The following APP variants were observed in gnomAD, a reference collection of about 807,000 sequenced individuals.
APP encodes amyloid beta precursor protein.
APP carries 31 observed loss-of-function variants against 101.4 expected under a neutral mutation model. That is an observed-to-expected ratio of 0.31 (90% CI 0.23 to 0.41). The LOEUF (loss-of-function observed/expected upper bound fraction) is 0.41. Ranked by LOEUF, APP falls within the 10% of genes least tolerant of loss-of-function variation. The probability of loss-of-function intolerance (pLI) is 1.00; values close to 1 mark genes in which losing one functional copy is unlikely to be tolerated. For missense variants in APP, 839 were observed against 1,003.7 expected, an observed-to-expected ratio of 0.84 and a Z score of 2.22; for synonymous variants, 366 against 364.4, an observed-to-expected ratio of 1.00 and a Z score of -0.05.
chr21:25,913,706 A>C (rs745585037), intron 13 of APP, among the ~76,000 whole-genome samples: 2 of 152,202 alleles, frequency 1.3e-5, no homozygotes, highest in Non-Finnish European at 2.9e-5. Context: ...ATCACTTACC[A>C]TGTCCTTTAT....
intron 13 of APP, among the ~76,000 whole-genome samples, chr21:25,950,911 A>C (rs535081772): frequency 1.3e-5 from 2 of 152,220 alleles, no homozygotes; most frequent in Non-Finnish European, 2.9e-5. Context: ...AGGCCAACCA[A>C]GAGAACTCAG....
At chr21:26,085,955 C>T (rs1173084545) in intron 3 of APP, among the ~76,000 whole-genome samples, 12 of 152,316 alleles carry the variant, frequency 7.9e-5, no homozygotes, top group African/African-American at 7.2e-5. Flanking sequence ...AATTCTTTCA[C>T]TTGTAATTCC....
chr21:26,169,865 C>A (rs2063703438), intron 1 of APP, among the ~76,000 whole-genome samples: 1 of 152,216 alleles, frequency 6.6e-6, no homozygotes, highest in Admixed American at 6.5e-5. Context: ...CGACCCCTCC[C>A]ATTTCTCGCA....
intron 11 of APP, among the ~76,000 whole-genome samples, chr21:25,969,663 G>A (rs1243242956): frequency 2.0e-5 from 3 of 151,530 alleles, no homozygotes; most frequent in Non-Finnish European, 1.5e-5. Context: ...AACACAGCGA[G>A]ACCCTGTCTT....
chr21:26,156,688 T>A (rs2146361562), intron 1 of APP, among the ~76,000 whole-genome samples: 1 of 152,324 alleles, frequency 6.6e-6, no homozygotes, highest in South Asian at 2.1e-4. Context: ...AGAACAGAAT[T>A]CAGAAATATA....
At chr21:26,061,738 G>A (rs1392085242) in intron 3 of APP, among the ~76,000 whole-genome samples, 1 of 152,170 alleles carries the variant, frequency 6.6e-6, no homozygotes, top group Non-Finnish European at 1.5e-5. Context: ...ACTGACAGAT[G>A]GGATTCTTCA....
chr21:25,930,074 C>T (rs2040075625), intron 13 of APP, among the ~76,000 whole-genome samples: 1 of 152,156 alleles, frequency 6.6e-6, no homozygotes, highest in South Asian at 2.1e-4. Context: ...TCAGCTCCAA[C>T]CTGAACCTTC....
At chr21:25,998,631 G>T (rs1211235586) in intron 7 of APP, among the ~76,000 whole-genome samples, 1 of 152,038 alleles carries the variant, frequency 6.6e-6, no homozygotes, top group African/African-American at 2.4e-5. Context: ...GGAATCTCAG[G>T]CAGGAAATGT....
chr21:25,908,375 AAAC>A (rs565909972), intron 14 of APP, among the ~76,000 whole-genome samples: 130 of 152,370 alleles, frequency 8.5e-4, no homozygotes, highest in Non-Finnish European at 1.5e-3. Flanking sequence ...TTCTTAAGAA[AAAC>A]AACAAATTTT....
At position 25,880,876 on chromosome 21, in the gene APP, A is replaced by G. The variant is rs200985813; in HGVS notation, c.*794T>C. On this transcript the variant is annotated 3_prime_UTR_variant, in exon 18 of 18. Coordinates refer to ENST00000346798, the MANE Select transcript of APP (RefSeq NM_000484.4). ...ATGTCATAAGCAATGATTCTGTACAATCATCCTGCAGAAAATTGTTTTGGA... is the reference window on the plus strand; with the variant it reads ...ATGTCATAAGCAATGATTCTGTACAGTCATCCTGCAGAAAATTGTTTTGGA... 4 of 152,926 alleles carry G rather than the reference A, an allele frequency of 2.6e-5. No individual in the cohort carries two copies. Among genetic ancestry groups the G allele is most frequent in the Admixed American group, 6.5e-5 (1 of 15,302 alleles). 9.5% of individuals were successfully genotyped at this position (152,926 alleles called of 1,614,324 possible). A position where few individuals can be genotyped will look rare whatever the true frequency, so the allele number is the denominator to read the frequency against.
At chr21:26,127,368 G>A (rs919671624) in intron 1 of APP, among the ~76,000 whole-genome samples, 3 of 151,988 alleles carry the variant, frequency 2.0e-5, no homozygotes, top group African/African-American at 4.8e-5. Context: ...TTAGACAAAC[G>A]GAGAAAAGGC....
At chr21:25,972,009 T>C (rs1042923733) in intron 11 of APP, among the ~76,000 whole-genome samples, 4 of 152,234 alleles carry the variant, frequency 2.6e-5, no homozygotes, top group African/African-American at 9.6e-5. Context: ...TTATGAGGCA[T>C]AAAATGATAC....
intron 2 of APP, among the ~76,000 whole-genome samples, chr21:26,091,105 T>A (rs2061813413): frequency 6.6e-6 from 1 of 152,242 alleles, no homozygotes; most frequent in Non-Finnish European, 1.5e-5. Context: ...TTCCCTTGCA[T>A]AAACCTTGCA....
At chr21:25,900,608 C>T (rs2038393581) in intron 15 of APP, among the ~76,000 whole-genome samples, 1 of 151,816 alleles carries the variant, frequency 6.6e-6, no homozygotes, top group Non-Finnish European at 1.5e-5. Context: ...TAGGTTAGAA[C>T]TATATTTCTG....
chr21:25,956,415 T>C (rs1424843630), intron 11 of APP, among the ~76,000 whole-genome samples: 1 of 152,228 alleles, frequency 6.6e-6, no homozygotes, highest in Non-Finnish European at 1.5e-5. Flanking sequence ...TTCTAATTGG[T>C]TCCATTTCAT....
At position 26,010,682 on chromosome 21, in the gene APP, G is replaced by A. The variant is rs147190230; in HGVS notation, c.866-10500C>T. On this transcript the variant is annotated intron_variant, in intron 6 of 17. Transcript: ENST00000346798. ...AAAAAAAAAAATATATTAGCCGGGC[G>A]CAGTGGCAGGTGCCTGTAATCCCAG... Among the ~76,000 whole-genome samples, 795 of 151,526 alleles carry A rather than the reference G, an allele frequency of 5.2e-3. 11 individuals carry two copies. Among genetic ancestry groups the A allele is most frequent in the African/African-American group, 0.018 (738 of 41,370 alleles).
chr21:26,081,303 C>T (rs1400328189), intron 3 of APP, among the ~76,000 whole-genome samples: 2 of 140,400 alleles, frequency 1.4e-5, no homozygotes, highest in South Asian at 4.6e-4. Context: ...AGGCTGAGTC[C>T]GAAAAAGAGT....
At chr21:26,077,054 C>A (rs372305224) in intron 3 of APP, among the ~76,000 whole-genome samples, 1,245 of 113,054 alleles carry the variant, frequency 0.011, 12 homozygotes, top group African/African-American at 0.041. Context: ...CAGAGTGAGA[C>A]TCTGTCTCAA....
At chr21:25,989,046 T>C (rs1461521216) in intron 8 of APP, among the ~76,000 whole-genome samples, 3 of 152,190 alleles carry the variant, frequency 2.0e-5, no homozygotes, top group Admixed American at 6.5e-5. Context: ...TAAATGGCGA[T>C]GCTGCACCCA....
Sources: allele counts gnomAD v4.1 joint callset (sites outside exome capture counted in the v4.1 genomes callset), GRCh38; gene constraint gnomAD v4.1.1; transcripts MANE v1.5; gene names NCBI Gene and HGNC (gene_info 2026-07-23, HGNC 2026-07-21).